Variants in UBR4 observed in about 807,000 individuals in gnomAD.
UBR4 encodes ubiquitin protein ligase E3 component n-recognin 4.
Under a neutral mutation model 575.6 loss-of-function variants are expected in UBR4, and 124 were observed. The observed-to-expected ratio is 0.22, with a 90% confidence interval of 0.19 to 0.25. UBR4 has a LOEUF of 0.25. UBR4 is among the 10% of genes least tolerant of loss of function. The pLI, the probability that UBR4 is intolerant of heterozygous loss-of-function variation, is 1.00. For synonymous variants in UBR4, 2,455 were observed against 2,473.7 expected (o/e 0.99, Z 0.22); for missense variants, 4,818 against 6,478.8 (o/e 0.74, Z 8.80).
chr1:19,197,656 GTGAAGCAC>G lies in UBR4; in HGVS notation c.893+6_893+13del. 1 of 1,613,608 alleles carries G rather than the reference GTGAAGCAC, an allele frequency of 6.2e-7. No homozygotes were observed. Among genetic ancestry groups the G allele is most frequent in the East Asian group, 2.2e-5 (1 of 44,874 alleles). ...ACAAAAAAAGTAAAGCATGTGCACTGTGAAGCACCTTACCCATTACGAACAGCAGTGGC... is the reference window on the plus strand; with the variant it reads ...ACAAAAAAAGTAAAGCATGTGCACTGCTTACCCATTACGAACAGCAGTGGC... On this transcript the variant is annotated splice_donor_region_variant and intron_variant, in intron 7 of 105. Transcript: ENST00000375254.
In UBR4 at chr1:19,139,060, G is replaced by A. The variant is rs185442753; in HGVS notation, c.8731+23C>T. 3.1e-5 allele frequency: 49 copies of A among 1,594,646 alleles called. No homozygotes were observed. In the African/African-American group the frequency reaches 5.0e-4, roughly 16 times the overall value. On this transcript the variant is annotated intron_variant, in intron 59 of 105. Transcript: ENST00000375254. This position sits in a 1 kb window ranked among gnomAD's most constrained non-coding sequence, Gnocchi z 4.2. ...TCCCCACCCTCTGCCCAAGGAGACAGGACCCCCGCCATGGCACATTACCAC... is the reference window on the plus strand; with the variant it reads ...TCCCCACCCTCTGCCCAAGGAGACAAGACCCCCGCCATGGCACATTACCAC...
At chr1:19,134,697 T>C (rs2149805137) in intron 60 of UBR4, among the ~76,000 whole-genome samples, 1 of 152,170 alleles carries the variant, frequency 6.6e-6, no homozygotes, top group East Asian at 1.9e-4. Context: ...GTCTTCATTT[T>C]TTTTTTTTTC....
intron 55 of UBR4, among the ~76,000 whole-genome samples, 172 bp from the exon 56 acceptor site, chr1:19,141,949 C>T (rs1441566135): frequency 6.6e-6 from 1 of 152,202 alleles, no homozygotes; most frequent in Non-Finnish European, 1.5e-5. Flanking sequence ...ACTTCTTGGA[C>T]CTACAGCATC....
At chr1:19,141,158 T>C (rs967268706) in intron 57 of UBR4, among the ~76,000 whole-genome samples, 189 bp downstream of exon 57, 7 of 152,134 alleles carry the variant, frequency 4.6e-5, no homozygotes, top group Non-Finnish European at 8.8e-5. Flanking sequence ...AACTATGAGA[T>C]TGGCACTCAG....
chr1:19,194,285 GAGA>G (rs1204668146), intron 8 of UBR4, among the ~76,000 whole-genome samples: 6 of 152,260 alleles, frequency 3.9e-5, no homozygotes, highest in Admixed American at 6.5e-5. Flanking sequence ...AGCTATAAGG[GAGA>G]AGGAGGATAT....
At chr1:19,106,757 G>T (rs766755207) in intron 82 of UBR4, 31 bp from the exon 83 acceptor site, 1 of 1,598,612 alleles carries the variant, frequency 6.3e-7, no homozygotes, top group Non-Finnish European at 8.6e-7. Flanking sequence ...GGGGTAGTAG[G>T]TAAGTAAATG....
rs975065183 is a variant in UBR4, at chr1:19,185,374, A to T, written c.1751-88T>A. Reference sequence around the variant, plus strand: ...GCTTCCTAAAAGTACTTAAGTCAAAAGGAATACAAGGATATCCCAATTGTG... The same window carrying T: ...GCTTCCTAAAAGTACTTAAGTCAAATGGAATACAAGGATATCCCAATTGTG... On this transcript the variant is annotated intron_variant, in intron 14 of 105. Transcript: ENST00000375254. The T allele has an allele frequency of 5.5e-6, 7 of 1,271,252 alleles. No homozygotes were observed. In the African/African-American group the frequency reaches 1.1e-4, roughly 19 times the overall value. 78.7% of individuals were successfully genotyped at this position (1,271,252 alleles called of 1,614,324 possible).
chr1:19,165,671 T>C lies in UBR4; in HGVS notation c.4196A>G (p.Glu1399Gly), dbSNP rs1244634040. The change falls in exon 30 of 106, where the codon GAG (glutamate) becomes GGG (glycine). Residue 1399 changes from glutamate (E) to glycine (G), a missense_variant. By Grantham distance (98) the Glu-to-Gly change is moderately conservative. This residue lies in a region of UBR4 where 1,172 missense variants were observed against 1,259.7 expected (regional missense o/e 0.93). Transcript: ENST00000375254. ...ESSQARKAME[E>G]FFSDSGELVQ... Reference sequence around the variant, plus strand: ...CACGGCTCACCTGTCAGAGAAAAACTCCTCCATAGCTTTACGAGCCTGGCT... The same window carrying C: ...CACGGCTCACCTGTCAGAGAAAAACCCCTCCATAGCTTTACGAGCCTGGCT... The C allele has an allele frequency of 3.7e-6, 6 of 1,613,422 alleles. No homozygotes were observed. The South Asian group carries it at 6.6e-5, about 18-fold the overall frequency.
intron 60 of UBR4, among the ~76,000 whole-genome samples, chr1:19,137,782 G>A (rs1323795050): frequency 6.6e-6 from 1 of 152,176 alleles, no homozygotes; most frequent in Non-Finnish European, 1.5e-5. Context: ...GGAGCCTTAA[G>A]AGAAATACCA....
At chr1:19,176,853 T>C in intron 19 of UBR4, 126 bp from the exon 20 acceptor site, 1 of 1,074,930 alleles carries the variant, frequency 9.3e-7, no homozygotes, top group Non-Finnish European at 1.3e-6. Flanking sequence ...TACATTCAAA[T>C]ATTCTGTTTT....
intron 25 of UBR4, 92 bp from the exon 26 acceptor site, chr1:19,170,975 C>A: frequency 6.4e-7 from 1 of 1,556,938 alleles, no homozygotes; most frequent in Non-Finnish European, 8.8e-7. Context: ...AACCCTATAT[C>A]TCAGTTTCCT....
chr1:19,150,607 G>T lies in UBR4; in HGVS notation c.7400C>A (p.Pro2467His). The T allele has an allele frequency of 1.2e-6, 2 of 1,613,624 alleles. No individual in the cohort carries two copies. Among genetic ancestry groups the T allele is most frequent in the Non-Finnish European group, 1.7e-6 (2 of 1,180,022 alleles). The change falls in exon 49 of 106, where the codon CCC becomes CAC. Residue 2467 changes from proline (P) to histidine (H), a missense_variant. Transcript: ENST00000375254. ...CAGGACAGTTCCACTGGTCGTAGTG[G>T]GGGCAGCTGAGTCGCTATCTCCAGT... is the stretch of plus-strand genomic sequence containing the variant. ...NGTGDSDSAA[P>H]TTTSGTVLER...
Position 19,156,805 on chromosome 1 carries a change from G to C in UBR4, c.5881C>G (p.Pro1961Ala). 2 of 1,614,142 alleles carry C rather than the reference G, an allele frequency of 1.2e-6. No individual in the cohort carries two copies. The highest frequency in any genetic ancestry group is 1.7e-6 in the Non-Finnish European group (2 of 1,180,000). ...ACCGCCAAGTAGTCTTCCTTGCAGG[G>C]ATTTCCTGTGAGGCTCAACACAGTA... ...PFTVLSLTGN[P>A]CKEDYLAVCG... is the part of the protein sequence containing the mutation. The change falls in exon 41 of 106, where the codon CCC becomes GCC. Residue 1961 changes from proline to alanine, a missense_variant. Transcript: ENST00000375254.
chr1:19,182,419 C>T lies in UBR4; in HGVS notation c.2184+1392G>A, dbSNP rs527378236. Among the ~76,000 whole-genome samples the T allele has an allele frequency of 3.3e-5, 5 of 152,046 alleles. No individual in the cohort carries two copies. The South Asian group carries it at 1.0e-3, about 32-fold the overall frequency. On this transcript the variant is annotated intron_variant, in intron 17 of 105. Coordinates refer to ENST00000375254, the MANE Select transcript of UBR4 (RefSeq NM_020765.3). ...TACAGTGGCTATTTGCAGGCGCAAT[C>T]ATAGCATACTACAGCCTCAAACTCC... is the stretch of plus-strand genomic sequence containing the variant.
chr1:19,143,210 GAAAGA>G (rs2084207864), intron 55 of UBR4, among the ~76,000 whole-genome samples: 2 of 132,328 alleles, frequency 1.5e-5, no homozygotes, highest in African/African-American at 5.6e-5. Flanking sequence ...AGGAAGGAAG[GAAAGA>G]AAGGAAGGAA....
At chr1:19,099,171 A>G (rs1249937800) in intron 90 of UBR4, among the ~76,000 whole-genome samples, 1 of 152,164 alleles carries the variant, frequency 6.6e-6, no homozygotes, top group Non-Finnish European at 1.5e-5. Context: ...AACAGAAATG[A>G]TGCTCCTTGA....
intron 21 of UBR4, among the ~76,000 whole-genome samples, 171 bp downstream of exon 21, chr1:19,174,783 C>T (rs1374204817): frequency 6.6e-6 from 1 of 152,114 alleles, no homozygotes; most frequent in East Asian, 1.9e-4. Flanking sequence ...AAAAGTGCAC[C>T]CAACAAATAA....
At chr1:19,188,030 T>TTAAATAAA (rs34415262) in intron 11 of UBR4, among the ~76,000 whole-genome samples, 9,745 of 140,882 alleles carry the variant, frequency 0.069, 397 homozygotes, top group African/African-American at 0.079. Flanking sequence ...AAACAAAAAA[T>TTAAATAAA]TAAATAAATA....
intron 58 of UBR4, among the ~76,000 whole-genome samples, chr1:19,140,178 G>A (rs1009566275): frequency 3.3e-5 from 5 of 151,310 alleles, no homozygotes; most frequent in South Asian, 2.1e-4. Context: ...GGTTGACCAG[G>A]TATCTCCATT....
Sources: allele counts gnomAD v4.1 joint callset (sites outside exome capture counted in the v4.1 genomes callset), GRCh38; gene constraint gnomAD v4.1.1; regional missense constraint gnomAD v4.1.1; non-coding constraint Gnocchi (gnomAD v3.1); transcripts MANE v1.5; gene names NCBI Gene and HGNC (gene_info 2026-07-23, HGNC 2026-07-21).